The following MMAA variants were observed in gnomAD, a reference collection of about 807,000 sequenced individuals.
MMAA encodes the protein methylmalonic aciduria type A protein, mitochondrial.
MMAA carries 41 observed loss-of-function variants against 45.0 expected under a neutral mutation model. The observed-to-expected ratio is 0.91, with a 90% CI of 0.71 to 1.18. MMAA has a LOEUF of 1.18. MMAA is among the 50% of genes most tolerant of loss of function. The pLI is 0.00. For synonymous variants in MMAA, 154 were observed against 178.2 expected, an observed-to-expected ratio of 0.86 and a Z score of 1.08; for missense variants, 460 against 495.7, an observed-to-expected ratio of 0.93 and a Z score of 0.68.
intron 1 of MMAA, chr4:145,625,254 G>A: frequency 1.1e-6 from 1 of 918,188 alleles, no homozygotes; most frequent in Non-Finnish European, 1.8e-6. Context: ...TGACTCTTGA[G>A]GAGCAAGTTT....
chr4:145,654,857 C>T (rs1342466212), intron 6 of MMAA, among the ~76,000 whole-genome samples: 1 of 152,134 alleles, frequency 6.6e-6, no homozygotes, highest in Non-Finnish European at 1.5e-5. Flanking sequence ...CTCTATGATG[C>T]CCCTGACCAT....
At chr4:145,641,084 C>T (rs75377282) in intron 2 of MMAA, among the ~76,000 whole-genome samples, 3,566 of 152,202 alleles carry the variant, frequency 0.023, 68 homozygotes, top group Non-Finnish European at 0.039. Flanking sequence ...ATACCAGTCC[C>T]CATTTTTCAG....
rs1734156840 is a variant in MMAA, at chr4:145,624,509, A to G, written c.-66+5102A>G. 4.8e-6 allele frequency: 5 copies of G among 1,034,992 alleles called. No individual in the cohort carries two copies. In the African/African-American group the frequency reaches 6.4e-5, roughly 13 times the overall value. The allele number at this position is 1,034,992 out of a possible 1,614,324, so 64.1% of individuals were successfully genotyped here. ...TTCCTTCTTTGTATGGGGGCCTGAT[A>G]AGCCACTCTGACAAGGTGCTGTTCT... On this transcript the variant is annotated intron_variant, in intron 1 of 6. Coordinates refer to ENST00000649156, the MANE Select transcript of MMAA (RefSeq NM_172250.3).
At chr4:145,624,801 T>G in intron 1 of MMAA, 1 of 1,606,542 alleles carries the variant, frequency 6.2e-7, no homozygotes, top group Non-Finnish European at 8.5e-7. Context: ...GCAGGGCTCA[T>G]TGGCTCTGCA....
At chr4:145,652,132 C>T (rs1728110088) in intron 5 of MMAA, among the ~76,000 whole-genome samples, 1 of 152,106 alleles carries the variant, frequency 6.6e-6, no homozygotes, top group Admixed American at 6.5e-5. Context: ...CAAATGAAGA[C>T]ACACATAAGA....
intron 1 of MMAA, among the ~76,000 whole-genome samples, chr4:145,634,197 T>TA (rs1404030350): frequency 2.6e-5 from 4 of 151,810 alleles, no homozygotes; most frequent in Non-Finnish European, 5.9e-5. Flanking sequence ...CATCCAGGAG[T>TA]AAAAGCCTGG....
At chr4:145,621,446 A>G (rs1734085567) in intron 1 of MMAA, among the ~76,000 whole-genome samples, 1 of 152,232 alleles carries the variant, frequency 6.6e-6, no homozygotes, top group Non-Finnish European at 1.5e-5. Context: ...GAATCCCTTC[A>G]TGAATTTGGT....
chr4:145,646,301 G>A (rs1727927325), intron 4 of MMAA, 145 bp downstream of exon 4: 1 of 890,638 alleles, frequency 1.1e-6, no homozygotes, highest in South Asian at 1.6e-5. Context: ...TAGAAGATAT[G>A]AATGTATAGG....
intron 1 of MMAA, among the ~76,000 whole-genome samples, chr4:145,628,943 G>C (rs1391202583): frequency 6.6e-6 from 1 of 152,130 alleles, no homozygotes; most frequent in Non-Finnish European, 1.5e-5. Context: ...TGAAAAAGGT[G>C]TCACACTTCC....
intron 3 of MMAA, among the ~76,000 whole-genome samples, chr4:145,643,083 A>C (rs765336436): frequency 1.3e-5 from 2 of 152,222 alleles, no homozygotes; most frequent in Non-Finnish European, 2.9e-5. Flanking sequence ...GAAGTCACTC[A>C]AAGTTTAATT....
intron 3 of MMAA, among the ~76,000 whole-genome samples, chr4:145,644,663 T>C (rs1727878102): frequency 6.6e-6 from 1 of 152,238 alleles, no homozygotes; most frequent in Non-Finnish European, 1.5e-5. Flanking sequence ...ATAACCAGTT[T>C]TATTCCACAG....
intron 1 of MMAA, among the ~76,000 whole-genome samples, chr4:145,630,410 G>T (rs1350275244): frequency 6.6e-6 from 1 of 151,958 alleles, no homozygotes; most frequent in Non-Finnish European, 1.5e-5. Context: ...AGTTTAGCTT[G>T]CTCTTGATTT....
At chr4:145,653,043 A>T (rs1329382237) in intron 5 of MMAA, among the ~76,000 whole-genome samples, 1 of 151,694 alleles carries the variant, frequency 6.6e-6, no homozygotes, top group African/African-American at 2.4e-5. Context: ...CTAATTTTTT[A>T]ATTTTTTTTT....
At chr4:145,648,338 G>T (rs1290732072) in intron 4 of MMAA, among the ~76,000 whole-genome samples, 1 of 151,864 alleles carries the variant, frequency 6.6e-6, no homozygotes, top group African/African-American at 2.4e-5. Flanking sequence ...AGTAGAGACG[G>T]GGTTTCACCA....
Position 145,624,959 on chromosome 4 carries a change from T to TG in MMAA, c.-66+5554dup, listed in dbSNP as rs1258891246. ...GTTTTCCAACTCCATACCTTTGGGC[T>TG]GGTTTCCCTGACAGTTGGTACAGGA... On this transcript the variant is annotated intron_variant, in intron 1 of 6. Transcript: ENST00000649156. 32 of 1,122,220 alleles carry TG rather than the reference T, an allele frequency of 2.9e-5. No individual in the cohort carries two copies. In the African/African-American group the frequency reaches 4.1e-4, roughly 14 times the overall value. The allele number at this position is 1,122,220 out of a possible 1,614,324, so 69.5% of individuals were successfully genotyped here.
At chr4:145,622,311 T>A (rs1734104329) in intron 1 of MMAA, among the ~76,000 whole-genome samples, 1 of 152,200 alleles carries the variant, frequency 6.6e-6, no homozygotes, top group Non-Finnish European at 1.5e-5. Context: ...TTGCTCCTCC[T>A]TGCCTTCAGC....
chr4:145,655,737 A>G lies in MMAA; in HGVS notation c.*303A>G. 4.5e-6 allele frequency: 1 copy of G among 223,722 alleles called. No individual in the cohort carries two copies. Among genetic ancestry groups the G allele is most frequent in the Non-Finnish European group, 8.7e-6 (1 of 114,326 alleles). The allele number at this position is 223,722 out of a possible 1,614,324, so 13.9% of individuals were successfully genotyped here. ...CAGAGAAAGCTGAGGAGAGCAGAAA[A>G]TATCTTGCACTTTAAAATGCTTATT... is the stretch of plus-strand genomic sequence containing the variant. On this transcript the variant is annotated 3_prime_UTR_variant, in exon 7 of 7. Transcript: ENST00000649156.
chr4:145,649,296 T>G (rs1728026268), intron 4 of MMAA, among the ~76,000 whole-genome samples: 1 of 152,064 alleles, frequency 6.6e-6, no homozygotes, highest in African/African-American at 2.4e-5. Context: ...AGACCCAATC[T>G]CTCTTTAAAA....
In MMAA at chr4:145,651,976, G is replaced by A. The variant is rs143362823; in HGVS notation, c.819+829G>A. ...GGACAGAGCTTAGGCAGTAATGCTC[G>A]CCCCCCTGCTGCCCCCCTGCTGTGA... On this transcript the variant is annotated intron_variant, in intron 5 of 6. Transcript: ENST00000649156. 3.3e-3 allele frequency among the ~76,000 whole-genome samples: 501 copies of A among 152,160 alleles called. 3 individuals carry two copies. Among genetic ancestry groups the A allele is most frequent in the Non-Finnish European group, 5.8e-3 (397 of 67,990 alleles).
Sources: allele counts gnomAD v4.1 joint callset (sites outside exome capture counted in the v4.1 genomes callset), GRCh38; gene constraint gnomAD v4.1.1; transcripts MANE v1.5; gene names NCBI Gene and HGNC (gene_info 2026-07-23, HGNC 2026-07-21).